Variants in FLG observed in about 807,000 individuals in gnomAD.
FLG encodes the protein epidermal filaggrin.
A neutral mutation model predicts 3.8 loss-of-function variants in FLG; 6 were observed. The observed-to-expected ratio is 1.60, with a 90% CI of 0.87 to 3.15. The LOEUF (loss-of-function observed/expected upper bound fraction) is 3.15, where lower values mean the gene tolerates loss of function less well. FLG is among the 30% of genes most tolerant of loss of function. The probability of loss-of-function intolerance (pLI) is 0.00; values close to 1 mark genes in which losing one functional copy is unlikely to be tolerated. For missense variants in FLG, 7,595 were observed against 5,050.9 expected (o/e 1.50, Z -15.27); for synonymous variants, 2,551 against 1,931.6 (o/e 1.32, Z -8.41).
rs1293284637 is a variant in FLG, at chr1:152,308,265, C to T, written c.6621G>A (p.Gly2207=). 1.2e-6 allele frequency: 2 copies of T among 1,613,248 alleles called. No homozygotes were observed. Among genetic ancestry groups the T allele is most frequent in the East Asian group, 2.2e-5 (1 of 44,852 alleles). The change falls in exon 3 of 3, where the codon GGG becomes GGA. Residue 2207 remains glycine, a synonymous_variant. Transcript: ENST00000368799. ...EQSGDGSRHS[G]SHHHEASSWA... ...AAGAGGAAGCTTCATGATGATGCGACCCTGAGTGCCTAGAGCCATCTCCTG... is the reference window on the plus strand; with the variant it reads ...AAGAGGAAGCTTCATGATGATGCGATCCTGAGTGCCTAGAGCCATCTCCTG...
rs1461047022 is a variant in FLG, at chr1:152,312,628, T to C, written c.2258A>G (p.His753Arg). The change falls in exon 3 of 3, where the codon CAT (histidine) becomes CGT (arginine). Residue 753 changes from histidine to arginine, a missense_variant. Transcript: ENST00000368799. ...TGACTGTGTGTCTGAGTCTTCTGAA[T>C]GTCCCTCACTGTCAGTGGCCTGACT... The part of the protein sequence containing the change: ...SGSQATDSEG[H>R]SEDSDTQSVS... 3 of 1,613,878 alleles carry C rather than the reference T, an allele frequency of 1.9e-6. No individual in the cohort carries two copies. The highest frequency in any genetic ancestry group is 1.7e-6 in the Non-Finnish European group (2 of 1,179,970).
At chr1:152,318,906 T>TG (rs1416651754) in intron 1 of FLG, among the ~76,000 whole-genome samples, 4 of 151,922 alleles carry the variant, frequency 2.6e-5, no homozygotes, top group Non-Finnish European at 4.4e-5. Context: ...ACAGAATATT[T>TG]GGGGGTACTT....
At chr1:152,315,797 A>T (rs1356941760) in intron 1 of FLG, among the ~76,000 whole-genome samples, 3 of 152,196 alleles carry the variant, frequency 2.0e-5, no homozygotes, top group Admixed American at 2.0e-4. Flanking sequence ...GAATTTAGAA[A>T]GGCTGACTGG....
rs763468319 is a variant in FLG, at chr1:152,313,284, T to C, written c.1602A>G (p.Gln534=). 3 of 1,613,736 alleles carry C rather than the reference T, an allele frequency of 1.9e-6. No homozygotes were observed. In the East Asian group the frequency reaches 6.7e-5, roughly 36 times the overall value. ...RGGRQGSHHE[Q]SVNRSGHSGS... is the part of the protein sequence containing the mutation. ...CTGAGTGTCCAGACCTATTTACCGA[T>C]TGCTCGTGGTGGGATCCCTGCCTTC... The change falls in exon 3 of 3, where the codon CAA becomes CAG. Residue 534 remains glutamine, a synonymous_variant. Coordinates refer to ENST00000368799, the MANE Select transcript of FLG (RefSeq NM_002016.2).
In FLG at chr1:152,309,429, T is replaced by G; in HGVS notation, c.5457A>C (p.Ser1819=). 1 of 1,613,670 alleles carries G rather than the reference T, an allele frequency of 6.2e-7. No homozygotes were observed. Among genetic ancestry groups the G allele is most frequent in the East Asian group, 2.2e-5 (1 of 44,776 alleles). Reference sequence around the variant, plus strand: ...GGGATCCCTGCCTTCCTCCTCTGCTTGACCCTGGGTGTCCACGAATGGTGT... The same window carrying G: ...GGGATCCCTGCCTTCCTCCTCTGCTGGACCCTGGGTGTCCACGAATGGTGT... ...GQDTIRGHPG[S]SRGGRQGSHY... Residue 1819 remains serine (S), a synonymous_variant, in exon 3 of 3, where the codon TCA becomes TCC. Coordinates refer to ENST00000368799, the MANE Select transcript of FLG (RefSeq NM_002016.2).
Position 152,307,562 on chromosome 1 carries a change from G to T in FLG, c.7324C>A (p.His2442Asn). The stretch of plus-strand genomic sequence containing the variant: ...GAGCTGTCTCGTGCCTGCTTGTGGT[G>T]GGATCCTTGTCTTCCTCCAGTGCTG... ...GTSTGGRQGS[H>N]HKQARDSSRH... Residue 2442 changes from histidine (H) to asparagine (N), a missense_variant, in exon 3 of 3, where the codon CAC (histidine) becomes AAC (asparagine). His to Asn is a moderately conservative substitution (Grantham distance 68). Coordinates refer to ENST00000368799, the MANE Select transcript of FLG (RefSeq NM_002016.2). 1 of 1,613,798 alleles carries T rather than the reference G, an allele frequency of 6.2e-7. No individual in the cohort carries two copies. The highest frequency in any genetic ancestry group is 8.5e-7 in the Non-Finnish European group (1 of 1,179,950).
chr1:152,307,073 G>A lies in FLG; in HGVS notation c.7813C>T (p.His2605Tyr), dbSNP rs780115486. 37 of 1,609,496 alleles carry A rather than the reference G, an allele frequency of 2.3e-5. No individual in the cohort carries two copies. The highest frequency in any genetic ancestry group is 3.1e-5 in the Non-Finnish European group (37 of 1,179,498). ...AQEQLRDGSR[H>Y]PRSHQEDRAG... The stretch of plus-strand genomic sequence containing the variant: ...CTGTCTTCTTGATGGGACCTGGGGT[G>A]TCTGGAGCCATCTCTTAGCTGCTCC... The change falls in exon 3 of 3, where the codon CAC becomes TAC. Residue 2605 changes from histidine to tyrosine, a missense_variant. His to Tyr is a moderately conservative substitution (Grantham distance 83). Coordinates refer to ENST00000368799, the MANE Select transcript of FLG (RefSeq NM_002016.2).
In FLG at chr1:152,303,462, A is replaced by T; in HGVS notation, c.11424T>A (p.Ser3808Arg). Residue 3808 changes from serine (S) to arginine (R), a missense_variant, in exon 3 of 3, where the codon AGT becomes AGA. Transcript: ENST00000368799. ...CCTCATTACGTGTTTCTCTGCTTGC[A>T]CTTCTGGATCCTGACTGCCCATGGG... is the stretch of plus-strand genomic sequence containing the variant. ...DASHGQSGSRSASRETRNEEQ... is the reference protein window; with the variant it reads ...DASHGQSGSRRASRETRNEEQ... The T allele has an allele frequency of 6.2e-7, 1 of 1,613,848 alleles. No individual in the cohort carries two copies. The highest frequency in any genetic ancestry group is 1.6e-4 in the Middle Eastern group (1 of 6,062).
rs148453311 is a variant in FLG, at chr1:152,306,122, G to A, written c.8764C>T (p.Gln2922Ter). The A allele has an allele frequency of 2.4e-5, 38 of 1,599,856 alleles. No homozygotes were observed. The highest frequency in any genetic ancestry group is 3.1e-5 in the Non-Finnish European group (37 of 1,179,996). The change falls in exon 3 of 3, where the codon CAG (glutamine) becomes TAG (stop). Residue 2922 changes from glutamine (Q) to a stop codon, truncating the protein, a stop_gained. Coordinates refer to ENST00000368799, the MANE Select transcript of FLG (RefSeq NM_002016.2). LOFTEE classifies it low-confidence loss of function (END_TRUNC). ...GGGTGTCTGGAGCCATCTCTTAGCTGCTCCTGAGCAGATCCATGATGGTTT... is the reference window on the plus strand; with the variant it reads ...GGGTGTCTGGAGCCATCTCTTAGCTACTCCTGAGCAGATCCATGATGGTTT... ...SRNHHGSAQEQLRDGSRHPRS... is the reference protein window; with the variant it reads ...SRNHHGSAQE
chr1:152,308,849 A>G lies in FLG; in HGVS notation c.6037T>C (p.Ser2013Pro), dbSNP rs1476990081. ...CCTGAGTGTCTGGAGCTGTCTGCTG[A>G]CTGGAGCTGGTGGTGGGATCCATGT... The part of the protein sequence containing the change: ...ERHGSHHQLQ[S>P]ADSSRHSGIG... Residue 2013 changes from serine to proline, a missense_variant, in exon 3 of 3, where the codon TCA becomes CCA. By Grantham distance (74) the Ser-to-Pro change is moderately conservative. Transcript: ENST00000368799. The G allele has an allele frequency of 6.2e-7, 1 of 1,614,092 alleles. No homozygotes were observed. The highest frequency in any genetic ancestry group is 8.5e-7 in the Non-Finnish European group (1 of 1,179,994).
chr1:152,308,137 T>C lies in FLG; in HGVS notation c.6749A>G (p.Glu2250Gly). The change falls in exon 3 of 3, where the codon GAG becomes GGG. Residue 2250 changes from glutamate to glycine, a missense_variant. By Grantham distance (98) the Glu-to-Gly change is moderately conservative (BLOSUM62 -2). Coordinates refer to ENST00000368799, the MANE Select transcript of FLG (RefSeq NM_002016.2). The stretch of plus-strand genomic sequence containing the variant: ...CCTCTCAGAATCTTCTGAGTGTCCC[T>C]CACTGTCACTGTCCTGGCTAACACT... The part of the protein sequence containing the change: ...GSSVSQDSDS[E>G]GHSEDSERRS... 6.2e-7 allele frequency: 1 copy of C among 1,614,044 alleles called. No homozygotes were observed. The highest frequency in any genetic ancestry group is 8.5e-7 in the Non-Finnish European group (1 of 1,180,002).
At chr1:152,319,081 G>A (rs1467447106) in intron 1 of FLG, among the ~76,000 whole-genome samples, 1 of 151,678 alleles carries the variant, frequency 6.6e-6, no homozygotes, top group African/African-American at 2.4e-5. Context: ...GACCAACTCA[G>A]TTAGAAAATT....
Position 152,308,226 on chromosome 1 carries a change from A to G in FLG, c.6660T>C (p.Ser2220=), listed in dbSNP as rs370632128. Residue 2220 remains serine, a synonymous_variant, in exon 3 of 3, where the codon TCT becomes TCC. Coordinates refer to ENST00000368799, the MANE Select transcript of FLG (RefSeq NM_002016.2). ...GTCCCTGGCCCACCAGTGAGTGTCTAGAGCTGTCGGCCCAAGAGGAAGCTT... is the reference window on the plus strand; with the variant it reads ...GTCCCTGGCCCACCAGTGAGTGTCTGGAGCTGTCGGCCCAAGAGGAAGCTT... ...HHEASSWADS[S]RHSLVGQGQS... is the part of the protein sequence containing the mutation. 9 of 1,613,880 alleles carry G rather than the reference A, an allele frequency of 5.6e-6. No homozygotes were observed. Among genetic ancestry groups the G allele is most frequent in the African/African-American group, 5.3e-5 (4 of 74,894 alleles).
rs1652339605 is a variant in FLG, at chr1:152,310,640, C to G, written c.4246G>C (p.Ala1416Pro). 6.2e-7 allele frequency: 1 copy of G among 1,613,996 alleles called. No individual in the cohort carries two copies. The highest frequency in any genetic ancestry group is 8.5e-7 in the Non-Finnish European group (1 of 1,179,986). ...DTQSVSAHGQ[A>P]GPHQQSHKES... ...TTGTGGCTCTGCTGATGGGGCCCAG[C>G]TTGTCCGTGGGCTGACACTGACTGT... is the stretch of plus-strand genomic sequence containing the variant. Residue 1416 changes from alanine to proline, a missense_variant, in exon 3 of 3, where the codon GCT (alanine) becomes CCT (proline). Physicochemically the swap from Ala to Pro is conservative, Grantham distance 27 (BLOSUM62 -1). Coordinates refer to ENST00000368799, the MANE Select transcript of FLG (RefSeq NM_002016.2).
rs139578568 is a variant in FLG at position 152,305,169 on chromosome 1, A to T, written c.9717T>A (p.His3239Gln). The change falls in exon 3 of 3, where the codon CAT (histidine) becomes CAA (glutamine). Residue 3239 changes from histidine to glutamine, a missense_variant. His to Gln is a conservative substitution (Grantham distance 24). Coordinates refer to ENST00000368799, the MANE Select transcript of FLG (RefSeq NM_002016.2). ...ERWSGSASRN[H>Q]RGSVQEQSRH... is the part of the protein sequence containing the mutation. ...TTGACTGCTCCTGAACAGATCCACG[A>T]TGGTTTCTGGAAGCAGACCCAGACC... 1.7e-4 allele frequency: 267 copies of T among 1,613,656 alleles called. 1 individual carries two copies. The African/African-American group carries it at 3.2e-3, about 19-fold the overall frequency.
In FLG at chr1:152,314,853, G is replaced by C. The variant is rs1479773891; in HGVS notation, c.139-106C>G. The C allele has an allele frequency of 4.2e-6, 6 of 1,435,406 alleles. No individual in the cohort carries two copies. In the East Asian group the frequency reaches 1.2e-4, roughly 28 times the overall value. The allele number at this position is 1,435,406 out of a possible 1,614,324, so 88.9% of individuals were successfully genotyped here. A position where few individuals can be genotyped will look rare whatever the true frequency, so the allele number is the denominator to read the frequency against. On this transcript the variant is annotated intron_variant, in intron 2 of 2. Transcript: ENST00000368799. Reference sequence around the variant, plus strand: ...GAACCTGATCTTTGAGTATTAAAAAGTGGGACAAAATCTTTTTTTTTTTTA... The same window carrying C: ...GAACCTGATCTTTGAGTATTAAAAACTGGGACAAAATCTTTTTTTTTTTTA...
At position 152,312,493 on chromosome 1, in the gene FLG, C is replaced by G; in HGVS notation, c.2393G>C (p.Ser798Thr). The change falls in exon 3 of 3, where the codon AGC (serine) becomes ACC (threonine). Residue 798 changes from serine to threonine, a missense_variant. Transcript: ENST00000368799. ...GGAGGACTCAGACTGTTTATGAGTG[C>G]TCACCTGGTAGAGGAAAGACCCTGA... ...RRSGSFLYQV[S>T]THKQSESSHG... 6.2e-7 allele frequency: 1 copy of G among 1,613,598 alleles called. No individual in the cohort carries two copies. The highest frequency in any genetic ancestry group is 8.5e-7 in the Non-Finnish European group (1 of 1,179,870).
In FLG at chr1:152,302,738, C is replaced by A. The variant is rs1651684895; in HGVS notation, c.12148G>T (p.Gly4050Ter). The change falls in exon 3 of 3, where the codon GGA becomes TGA. Residue 4050 changes from glycine (G) to a stop codon, truncating the protein, a stop_gained. Coordinates refer to ENST00000368799, the MANE Select transcript of FLG (RefSeq NM_002016.2). LOFTEE classifies it low-confidence loss of function (END_TRUNC). ...TAGTATCTCTGTGACTGACTAAATCCCAGTTGTTTCGATATATCACTAGAA... is the reference window on the plus strand; with the variant it reads ...TAGTATCTCTGTGACTGACTAAATCACAGTTGTTTCGATATATCACTAGAA... Reference protein sequence around the residue: ...GHSSDISKQLGFSQSQRYYYY... With the variant: ...GHSSDISKQL 3.7e-6 allele frequency: 6 copies of A among 1,613,956 alleles called. No individual in the cohort carries two copies. The highest frequency in any genetic ancestry group is 1.7e-4 in the Middle Eastern group (1 of 6,060).
Position 152,307,391 on chromosome 1 carries a change from C to A in FLG, c.7495G>T (p.Gly2499Ter). The change falls in exon 3 of 3, where the codon GGA (glycine) becomes TGA (stop). Residue 2499 changes from glycine (G) to a stop codon, truncating the protein, a stop_gained. Transcript: ENST00000368799. LOFTEE classifies it low-confidence loss of function (END_TRUNC). ...TGCCCATGGGAGGCATCAGACCTTC[C>A]CTGGGATGTGGTGTGGCTGTGATGA... ...GSHHSHTTSQ[G>*]RSDASHGHSG... The A allele has an allele frequency of 6.2e-7, 1 of 1,613,196 alleles. No individual in the cohort carries two copies. Among genetic ancestry groups the A allele is most frequent in the Non-Finnish European group, 8.5e-7 (1 of 1,179,684 alleles).
Sources: gnomAD v4.1 joint callset for allele counts (sites outside exome capture counted in the v4.1 genomes callset) on GRCh38, gnomAD v4.1.1 for gene constraint, MANE v1.5 for transcripts, NCBI Gene and HGNC (gene_info 2026-07-23, HGNC 2026-07-21) for gene names.